NUDT1: variants seen among roughly 807,000 people sequenced by gnomAD.
NUDT1 encodes nudix hydrolase 1.
NUDT1 carries 16 observed loss-of-function variants against 11.3 expected under a neutral mutation model. That is an observed-to-expected ratio of 1.41 (90% CI 0.96 to 2.15). The LOEUF (loss-of-function observed/expected upper bound fraction) is 2.15, where lower values mean the gene tolerates loss of function less well. NUDT1 is among the 30% of genes most tolerant of loss of function. NUDT1 has a pLI of 0.00. For synonymous variants in NUDT1, 101 were observed against 84.4 expected (o/e 1.20, Z -1.08); for missense variants, 234 against 208.4 (o/e 1.12, Z -0.76).
chr7:2,246,773 G>C (rs918262461), intron 2 of NUDT1, among the ~76,000 whole-genome samples: 1 of 152,196 alleles, frequency 6.6e-6, no homozygotes, highest in Admixed American at 6.5e-5. Flanking sequence ...CCGGAAGCCT[G>C]TGACTTCCAT....
intron 2 of NUDT1, 32 bp downstream of exon 2, chr7:2,244,758 G>C: frequency 6.3e-7 from 1 of 1,588,788 alleles, no homozygotes; most frequent in Non-Finnish European, 8.6e-7. Flanking sequence ...CCATAGAACC[G>C]GCTTTCCCAG....
intron 2 of NUDT1, among the ~76,000 whole-genome samples, chr7:2,245,551 A>G (rs960375211): frequency 2.0e-5 from 3 of 152,182 alleles, no homozygotes; most frequent in Admixed American, 6.5e-5. Flanking sequence ...CCCTTATTAC[A>G]TAAAAGGGGG....
intron 1 of NUDT1, chr7:2,242,799 T>C: frequency 1.7e-6 from 1 of 603,828 alleles, no homozygotes; most frequent in Non-Finnish European, 3.0e-6. Context: ...TGTTTGCAGC[T>C]CCTGAAGCCC....
intron 2 of NUDT1, 177 bp from the exon 3 acceptor site, chr7:2,249,680 G>A (rs1254038804): frequency 8.2e-6 from 6 of 731,342 alleles, no homozygotes; most frequent in African/African-American, 1.7e-5. Flanking sequence ...AGTTGATTCT[G>A]AAGCTCAGCC....
Position 2,251,138 on chromosome 7 carries a change from T to A in NUDT1, c.*137T>A. Reference sequence around the variant, plus strand: ...GGATGGAAGGGAAAATAAAGCTATCTAGCGGTGGTTTTTTTTTTTTTTTTT... The same window carrying A: ...GGATGGAAGGGAAAATAAAGCTATCAAGCGGTGGTTTTTTTTTTTTTTTTT... On this transcript the variant is annotated 3_prime_UTR_variant, in exon 4 of 4. Coordinates refer to ENST00000356714, the MANE Select transcript of NUDT1 (RefSeq NM_002452.4). 1 of 761,832 alleles carries A rather than the reference T, an allele frequency of 1.3e-6. No individual in the cohort carries two copies. The highest frequency in any genetic ancestry group is 2.1e-6 in the Non-Finnish European group (1 of 477,830). The allele number at this position is 761,832 out of a possible 1,614,324, so 47.2% of individuals were successfully genotyped here.
At chr7:2,247,395 C>G (rs918414094) in intron 2 of NUDT1, among the ~76,000 whole-genome samples, 1 of 152,212 alleles carries the variant, frequency 6.6e-6, no homozygotes, top group Non-Finnish European at 1.5e-5. Context: ...CTCTGTGGGG[C>G]AGGGGACAGG....
At chr7:2,250,083 C>T (rs539125693) in intron 3 of NUDT1, 81 bp downstream of exon 3, 19 of 1,572,284 alleles carry the variant, frequency 1.2e-5, no homozygotes, top group African/African-American at 1.1e-4. Context: ...CCGCCCAAAC[C>T]ATCTCTGAGT....
chr7:2,242,855 G>A, intron 1 of NUDT1: 1 of 683,712 alleles, frequency 1.5e-6, no homozygotes. Context: ...AGCCTTGTAG[G>A]TGGCTTGTGT....
chr7:2,244,850 G>A, intron 2 of NUDT1, 124 bp downstream of exon 2: 4 of 1,107,534 alleles, frequency 3.6e-6, no homozygotes, highest in Non-Finnish European at 5.1e-6. Context: ...GGTTAAGCGT[G>A]AGCCTCAGTG....
chr7:2,245,478 G>A (rs1794733683), intron 2 of NUDT1, among the ~76,000 whole-genome samples: 1 of 152,176 alleles, frequency 6.6e-6, no homozygotes, highest in South Asian at 2.1e-4. Context: ...AATACGTTTT[G>A]TACTCTGATA....
rs36064010 is a variant in NUDT1 at position 2,245,250 on chromosome 7, C to T, written c.152+524C>T. On this transcript the variant is annotated intron_variant, in intron 2 of 3. Transcript: ENST00000356714. ...AGCCGTTTACCCAAGATCACACAGT[C>T]CTCCAGACGCCCCTCAACCCTCACA... is the stretch of plus-strand genomic sequence containing the variant. Among the ~76,000 whole-genome samples the T allele has an allele frequency of 2.9e-4, 44 of 152,306 alleles. 1 individual carries two copies. The East Asian group carries it at 6.4e-3, about 22-fold the overall frequency.
At position 2,249,891 on chromosome 7, in the gene NUDT1, G is replaced by A. The variant is rs377441902; in HGVS notation, c.187G>A (p.Ala63Thr). Residue 63 changes from alanine (A) to threonine (T), a missense_variant, in exon 3 of 4, where the codon GCC (alanine) becomes ACC (threonine). Coordinates refer to ENST00000356714, the MANE Select transcript of NUDT1 (RefSeq NM_002452.4). Reference protein sequence around the residue: ...LQEESGLTVDALHKVGQIVFE... With the variant: ...LQEESGLTVDTLHKVGQIVFE... ...GGAGGAGAGCGGTCTGACAGTGGAC[G>A]CCCTGCACAAGGTGGGCCAGATCGT... The A allele has an allele frequency of 4.8e-5, 78 of 1,614,048 alleles. No homozygotes were observed. The highest frequency in any genetic ancestry group is 4.3e-4 in the African/African-American group (32 of 75,064).
At chr7:2,250,386 G>A (rs1294371676) in intron 3 of NUDT1, among the ~76,000 whole-genome samples, 1 of 152,180 alleles carries the variant, frequency 6.6e-6, no homozygotes, top group African/African-American at 2.4e-5. Context: ...GGATCGTTGA[G>A]CCCAGGAGTT....
rs545432866 is a variant in NUDT1, at chr7:2,249,709, G to A, written c.153-148G>A. 20 of 904,722 alleles carry A rather than the reference G, an allele frequency of 2.2e-5. No homozygotes were observed. The South Asian group carries it at 2.7e-4, about 12-fold the overall frequency. 56.0% of individuals were successfully genotyped at this position (904,722 alleles called of 1,614,324 possible). On this transcript the variant is annotated intron_variant, in intron 2 of 3. Transcript: ENST00000356714. ...CTCAGCCAGGTCGGGACCAGATAAT[G>A]CATTCTAGGGGACATCCTCCTGGGT... is the stretch of plus-strand genomic sequence containing the variant.
Position 2,244,580 on chromosome 7 carries a change from C to T in NUDT1, c.6C>T (p.Gly2=), listed in dbSNP as rs769072731. The change falls in exon 2 of 4, where the codon GGC becomes GGT. Residue 2 remains glycine, a synonymous_variant. Coordinates refer to ENST00000356714, the MANE Select transcript of NUDT1 (RefSeq NM_002452.4). M[G]ASRLYTLVLV... is the part of the protein sequence containing the mutation. ...CCTTTCAGAACCCAGGGACCATGGG[C>T]GCCTCCAGGCTCTATACCCTGGTGC... is the stretch of plus-strand genomic sequence containing the variant. 5.7e-6 allele frequency: 9 copies of T among 1,577,588 alleles called. 1 individual carries two copies. In the East Asian group the frequency reaches 6.8e-5, roughly 12 times the overall value.
intron 1 of NUDT1, 111 bp from the exon 2 acceptor site, chr7:2,244,452 A>ACCCCCCCCCCCC: frequency 1.8e-6 from 1 of 553,138 alleles, no homozygotes; most frequent in Non-Finnish European, 3.2e-6. Flanking sequence ...GTTACAGCAT[A>ACCCCCCCCCCCC]CCCCCCCGCC....
At chr7:2,247,132 G>A (rs2115059293) in intron 2 of NUDT1, among the ~76,000 whole-genome samples, 1 of 152,274 alleles carries the variant, frequency 6.6e-6, no homozygotes, top group Admixed American at 6.5e-5. Context: ...GAGTCTGAAT[G>A]GATTTGCTCC....
intron 2 of NUDT1, 97 bp downstream of exon 2, chr7:2,244,823 A>G: frequency 7.0e-7 from 1 of 1,433,052 alleles, no homozygotes; most frequent in Non-Finnish European, 9.5e-7. Context: ...CTAAGAGCTA[A>G]GTGACCTGGA....
rs370549369 is a variant in NUDT1, at chr7:2,249,867, G to T, written c.163G>T (p.Glu55Ter). The T allele has an allele frequency of 7.0e-5, 113 of 1,613,486 alleles. No individual in the cohort carries two copies. The highest frequency in any genetic ancestry group is 9.1e-5 in the Non-Finnish European group (107 of 1,179,932). Residue 55 changes from glutamate to a stop codon, truncating the protein, a stop_gained, in exon 3 of 4, where the codon GAG (glutamate) becomes TAG (stop). Transcript: ENST00000356714. LOFTEE classifies it high-confidence loss of function. Reference protein sequence around the residue: ...IEDGARRELQEESGLTVDALH... With the variant: ...IEDGARRELQ ...CACCTCTGCCCGCAGGGAGCTGCAGGAGGAGAGCGGTCTGACAGTGGACGC... is the reference window on the plus strand; with the variant it reads ...CACCTCTGCCCGCAGGGAGCTGCAGTAGGAGAGCGGTCTGACAGTGGACGC...
Sources: allele counts gnomAD v4.1 joint callset (sites outside exome capture counted in the v4.1 genomes callset), GRCh38; gene constraint gnomAD v4.1.1; transcripts MANE v1.5; gene names NCBI Gene and HGNC (gene_info 2026-07-23, HGNC 2026-07-21).